Variants in SLC7A8 observed in about 807,000 individuals in gnomAD.
SLC7A8 encodes the protein large neutral amino acids transporter small subunit 2.
A neutral mutation model predicts 51.2 loss-of-function variants in SLC7A8; 30 were observed. That is an observed-to-expected ratio of 0.59 (90% CI 0.44 to 0.80). SLC7A8 has a LOEUF of 0.80. SLC7A8 is among the 30% of genes least tolerant of loss of function. The pLI, the probability that SLC7A8 is intolerant of heterozygous loss-of-function variation, is 0.00. For synonymous variants in SLC7A8, 257 were observed against 275.8 expected (o/e 0.93, Z 0.67); for missense variants, 612 against 674.4 (o/e 0.91, Z 1.03).
At chr14:23,140,391 TG>T in intron 5 of SLC7A8, 79 bp downstream of exon 5, 1 of 1,442,738 alleles carries the variant, frequency 6.9e-7, no homozygotes, top group Non-Finnish European at 9.4e-7. Flanking sequence ...AGGTGGGCAA[TG>T]GACACCTGCT....
At chr14:23,130,671 A>C (rs752181354) in intron 8 of SLC7A8, among the ~76,000 whole-genome samples, 2 of 152,236 alleles carry the variant, frequency 1.3e-5, no homozygotes, top group Non-Finnish European at 2.9e-5. Flanking sequence ...CAACCAGTCA[A>C]GGTGACCTTC....
chr14:23,170,817 C>T (rs2048971898), intron 1 of SLC7A8, among the ~76,000 whole-genome samples: 1 of 152,146 alleles, frequency 6.6e-6, no homozygotes, highest in Middle Eastern at 3.2e-3. Context: ...CCTCAAACCC[C>T]TGGGCTCAAG....
At position 23,137,996 on chromosome 14, in the gene SLC7A8, A is replaced by G. The variant is rs1370220569; in HGVS notation, c.941T>C (p.Met314Thr). Residue 314 changes from methionine (M) to threonine (T), a missense_variant, in exon 7 of 11, where the codon ATG (methionine) becomes ACG (threonine). Transcript: ENST00000316902. Reference protein sequence around the residue: ...VTFGEKLLGVMAWIMPISVAL... With the variant: ...VTFGEKLLGVTAWIMPISVAL... ...AACAGAAATGGGCATGATCCAGGCC[A>G]TGACTCCTAGGAGCTTCTCTCCAAA... 1.2e-6 allele frequency: 2 copies of G among 1,614,018 alleles called. No individual in the cohort carries two copies. The highest frequency in any genetic ancestry group is 1.7e-6 in the Non-Finnish European group (2 of 1,179,990).
chr14:23,180,072 A>AT (rs1181284855), intron 1 of SLC7A8, among the ~76,000 whole-genome samples: 56 of 151,716 alleles, frequency 3.7e-4, no homozygotes, highest in East Asian at 2.1e-3. Flanking sequence ...CGCCCGGCTA[A>AT]TTTTTTGTAT....
chr14:23,146,803 A>G (rs962839944), intron 3 of SLC7A8: 35 of 152,122 alleles, frequency 2.3e-4, no homozygotes, highest in African/African-American at 7.7e-4. Context: ...GTCTCCTGGT[A>G]CCACAAGACA....
chr14:23,127,411 C>G, intron 10 of SLC7A8, 68 bp from the exon 11 acceptor site: 1 of 1,572,120 alleles, frequency 6.4e-7, no homozygotes, highest in Non-Finnish European at 8.7e-7. Flanking sequence ...CAAGTGGCCC[C>G]GGCCCTTCCT....
intron 1 of SLC7A8, among the ~76,000 whole-genome samples, chr14:23,181,225 T>G (rs1008394380): frequency 4.6e-5 from 7 of 152,306 alleles, no homozygotes; most frequent in Admixed American, 1.3e-4. Context: ...TGGCATGTGC[T>G]ATACATACTG....
intron 3 of SLC7A8, among the ~76,000 whole-genome samples, chr14:23,147,204 A>G (rs1234060068): frequency 6.6e-6 from 1 of 151,836 alleles, no homozygotes; most frequent in Non-Finnish European, 1.5e-5. Context: ...CCACCCATCC[A>G]ACCATCCATC....
intron 1 of SLC7A8, among the ~76,000 whole-genome samples, chr14:23,178,972 G>A (rs953105974): frequency 6.6e-6 from 1 of 150,684 alleles, no homozygotes; most frequent in African/African-American, 2.4e-5. Context: ...AAATGATCAA[G>A]GAGATGGGAC....
At chr14:23,160,259 T>C (rs1387567583) in intron 3 of SLC7A8, among the ~76,000 whole-genome samples, 1 of 152,140 alleles carries the variant, frequency 6.6e-6, no homozygotes, top group Non-Finnish European at 1.5e-5. Flanking sequence ...AGCCAAAAGA[T>C]GTGGCTACAG....
At chr14:23,155,229 G>T in intron 3 of SLC7A8, 1 of 1,536,040 alleles carries the variant, frequency 6.5e-7, no homozygotes, top group Non-Finnish European at 8.7e-7. Context: ...TTCCGGAAGG[G>T]CCTCTCTCTT....
At chr14:23,147,106 A>ATCCATCCATCCATCG (rs1421417665) in intron 3 of SLC7A8, among the ~76,000 whole-genome samples, 1 of 6,502 alleles carries the variant, frequency 1.5e-4, no homozygotes, top group Non-Finnish European at 5.3e-4. Flanking sequence ...TCCATCCATC[A>ATCCATCCATCCATCG]TAGATCCATT....
chr14:23,155,605 G>T, intron 3 of SLC7A8: 1 of 740,810 alleles, frequency 1.3e-6, no homozygotes, highest in African/African-American at 1.8e-5. Flanking sequence ...AAGAAATCCA[G>T]GGTGGCCTGC....
At chr14:23,175,608 C>A (rs866340516) in intron 1 of SLC7A8, among the ~76,000 whole-genome samples, 1 of 152,230 alleles carries the variant, frequency 6.6e-6, no homozygotes, top group South Asian at 2.1e-4. Context: ...CTTTCCTCCA[C>A]TCTAAGCATC....
Position 23,127,223 on chromosome 14 carries a change from G to A in SLC7A8, c.1562C>T (p.Pro521Leu), listed in dbSNP as rs1347544956. 2 of 1,614,096 alleles carry A rather than the reference G, an allele frequency of 1.2e-6. No homozygotes were observed. The highest frequency in any genetic ancestry group is 3.3e-5 in the Admixed American group (2 of 60,016). The change falls in exon 11 of 11, where the codon CCC becomes CTC. Residue 521 changes from proline to leucine, a missense_variant. Pro to Leu is a moderately conservative substitution (Grantham distance 98). Coordinates refer to ENST00000316902, the MANE Select transcript of SLC7A8 (RefSeq NM_012244.4). ...MEEQQQPMYQ[P>L]TPTKDKDVAG... ...CACGTCCTTGTCCTTCGTGGGAGTGGGTTGGTACATGGGCTGCTGCTGCTC... is the reference window on the plus strand; with the variant it reads ...CACGTCCTTGTCCTTCGTGGGAGTGAGTTGGTACATGGGCTGCTGCTGCTC...
At chr14:23,171,391 C>T (rs890292430) in intron 1 of SLC7A8, among the ~76,000 whole-genome samples, 14 of 152,082 alleles carry the variant, frequency 9.2e-5, no homozygotes, top group African/African-American at 3.4e-4. Flanking sequence ...TTGAGAAAAC[C>T]CACATTTGCC....
intron 3 of SLC7A8, among the ~76,000 whole-genome samples, chr14:23,149,207 C>T (rs2048825365): frequency 1.3e-5 from 2 of 152,230 alleles, no homozygotes; most frequent in African/African-American, 4.8e-5. Flanking sequence ...TTCCTATTTC[C>T]TCTTCCTCCA....
At chr14:23,141,403 TG>T (rs1486028333) in intron 4 of SLC7A8, among the ~76,000 whole-genome samples, 1 of 152,252 alleles carries the variant, frequency 6.6e-6, no homozygotes, top group Non-Finnish European at 1.5e-5. Flanking sequence ...CTGCTTGCTT[TG>T]TTGATATCCT....
chr14:23,174,038 G>A (rs1486572648), intron 1 of SLC7A8, among the ~76,000 whole-genome samples: 4 of 152,172 alleles, frequency 2.6e-5, no homozygotes, highest in East Asian at 1.9e-4. Context: ...ATAGGGAAGC[G>A]GTTTGCAAAC....
Sources: gnomAD v4.1 joint callset for allele counts (sites outside exome capture counted in the v4.1 genomes callset) on GRCh38, gnomAD v4.1.1 for gene constraint, MANE v1.5 for transcripts, NCBI Gene and HGNC (gene_info 2026-07-23, HGNC 2026-07-21) for gene names.